The following PDSS1 variants were observed in gnomAD, a reference collection of about 807,000 sequenced individuals.
The protein encoded by PDSS1 is decaprenyl diphosphate synthase subunit 1, also known as all trans-polyprenyl-diphosphate synthase PDSS1.
Under a neutral mutation model 57.5 loss-of-function variants are expected in PDSS1, and 43 were observed. The ratio of observed to expected loss-of-function variants is 0.75; its 90% CI spans 0.59 to 0.96. PDSS1 has a LOEUF of 0.96. PDSS1 is among the 50% of genes least tolerant of loss of function. PDSS1 has a pLI of 0.00. For missense variants in PDSS1, 438 were observed against 527.8 expected, an observed-to-expected ratio of 0.83 and a Z score of 1.67; for synonymous variants, 175 against 191.3, an observed-to-expected ratio of 0.91 and a Z score of 0.70.
At chr10:26,703,242 C>T (rs898086937) in intron 2 of PDSS1, among the ~76,000 whole-genome samples, 1 of 152,196 alleles carries the variant, frequency 6.6e-6, no homozygotes, top group Non-Finnish European at 1.5e-5. Context: ...AAAGCGTCCC[C>T]TGTATTAATT....
At chr10:26,716,589 G>T (rs1432227330) in intron 5 of PDSS1, among the ~76,000 whole-genome samples, 2 of 152,022 alleles carry the variant, frequency 1.3e-5, no homozygotes, top group Non-Finnish European at 2.9e-5. Context: ...CTACCTGGGA[G>T]GCTCAGGCAG....
chr10:26,734,183 A>G (rs1268994783), intron 8 of PDSS1, among the ~76,000 whole-genome samples: 1 of 152,242 alleles, frequency 6.6e-6, no homozygotes, highest in East Asian at 1.9e-4. Context: ...ACAGTCTCAC[A>G]GCAGAGCCCG....
At chr10:26,705,459 T>G in intron 4 of PDSS1, 65 bp downstream of exon 4, 1 of 660,142 alleles carries the variant, frequency 1.5e-6, no homozygotes, top group Non-Finnish European at 2.5e-6. Flanking sequence ...AATTTTATTT[T>G]ATTTTTTATT....
chr10:26,705,547 C>T (rs1835184603), intron 4 of PDSS1, among the ~76,000 whole-genome samples, 153 bp downstream of exon 4: 1 of 152,162 alleles, frequency 6.6e-6, no homozygotes, highest in African/African-American at 2.4e-5. Flanking sequence ...AATCTAAGCT[C>T]ACTGCAACCC....
At chr10:26,740,731 G>A in intron 10 of PDSS1, 1 of 456,582 alleles carries the variant, frequency 2.2e-6, no homozygotes, top group South Asian at 1.5e-5. Flanking sequence ...TGGAGCCATA[G>A]ACTGTTAGAG....
intron 1 of PDSS1, among the ~76,000 whole-genome samples, chr10:26,698,330 C>CTGG (rs1834939877): frequency 6.6e-6 from 1 of 152,040 alleles, no homozygotes; most frequent in Non-Finnish European, 1.5e-5. Flanking sequence ...GTGGAGAATG[C>CTGG]AGGGCTGGTG....
At chr10:26,734,551 C>T (rs377222558) in intron 8 of PDSS1, 29 of 382,240 alleles carry the variant, frequency 7.6e-5, no homozygotes, top group East Asian at 5.8e-4. Context: ...ATTTCTCCCC[C>T]ATTGAAAGGA....
chr10:26,697,788 CCG>C lies in PDSS1; in HGVS notation c.78_79del (p.Gly27ProfsTer19). 1 of 1,310,258 alleles carries C rather than the reference CCG, an allele frequency of 7.6e-7. No individual in the cohort carries two copies. The highest frequency in any genetic ancestry group is 9.7e-7 in the Non-Finnish European group (1 of 1,033,176). 81.2% of individuals were successfully genotyped at this position (1,310,258 alleles called of 1,614,324 possible). A position where few individuals can be genotyped will look rare whatever the true frequency, so the allele number is the denominator to read the frequency against. ...GCGCGGAGCCCCGGGCCCGGCTCCC[CCG>C]GCCGTGCGGGACCGTTGGGGCCGAG... On this transcript the variant is annotated frameshift_variant, in exon 1 of 12. Coordinates refer to ENST00000376215, the MANE Select transcript of PDSS1 (RefSeq NM_014317.5). LOFTEE classifies it high-confidence loss of function.
chr10:26,713,970 G>A lies in PDSS1; in HGVS notation c.467+4202G>A, dbSNP rs186843926. Among the ~76,000 whole-genome samples the A allele has an allele frequency of 8.7e-3, 1,325 of 152,188 alleles. 11 individuals are homozygous for A. Among genetic ancestry groups the A allele is most frequent in the Middle Eastern group, 0.027 (8 of 294 alleles). ...ATTCTACCTGCACACCCTAGAGGGT[G>A]TTTCAGGCTGTTGATTCCAGCTCAG... On this transcript the variant is annotated intron_variant, in intron 5 of 11. Transcript: ENST00000376215.
At position 26,705,026 on chromosome 10, in the gene PDSS1, C is replaced by A. The variant is rs1748355; in HGVS notation, c.228-260C>A. On this transcript the variant is annotated intron_variant, in intron 3 of 11. Coordinates refer to ENST00000376215, the MANE Select transcript of PDSS1 (RefSeq NM_014317.5). ...GGAATATAATAAAGTTTGAGCTCAA[C>A]CCAGAGCACAATGAACATAGTTTAG... is the stretch of plus-strand genomic sequence containing the variant. Among the ~76,000 whole-genome samples the A allele has an allele frequency of 0.52, 79,148 of 151,706 alleles. 21,677 individuals are homozygous for A. The highest frequency in any genetic ancestry group is 0.63 in the Middle Eastern group (186 of 294).
chr10:26,709,774 C>T lies in PDSS1; in HGVS notation c.467+6C>T, dbSNP rs371003260. 4 of 1,613,418 alleles carry T rather than the reference C, an allele frequency of 2.5e-6. No individual in the cohort carries two copies. The highest frequency in any genetic ancestry group is 1.1e-5 in the South Asian group (1 of 91,070). On this transcript the variant is annotated splice_donor_region_variant and intron_variant, in intron 5 of 11. Coordinates refer to ENST00000376215, the MANE Select transcript of PDSS1 (RefSeq NM_014317.5). Reference sequence around the variant, plus strand: ...ATTCATCATAACAACTCCCGGTGAGCTCTTTTTTTCATTCCTTTCTTGTTT... The same window carrying T: ...ATTCATCATAACAACTCCCGGTGAGTTCTTTTTTTCATTCCTTTCTTGTTT...
intron 8 of PDSS1, among the ~76,000 whole-genome samples, chr10:26,731,591 T>G (rs1209797170): frequency 6.6e-6 from 1 of 152,198 alleles, no homozygotes; most frequent in African/African-American, 2.4e-5. Context: ...CCACCAGATT[T>G]CCCTCTGTTG....
Position 26,704,681 on chromosome 10 carries a change from C to A in PDSS1, c.167C>A (p.Pro56His), listed in dbSNP as rs1463172108. The change falls in exon 3 of 12, where the codon CCC becomes CAC. Residue 56 changes from proline to histidine, a missense_variant. This residue lies in a region of PDSS1 where 154 missense variants were observed against 137.0 expected (regional missense o/e 1.12). Coordinates refer to ENST00000376215, the MANE Select transcript of PDSS1 (RefSeq NM_014317.5). Reference protein sequence around the residue: ...RRKGLDLSQIPYINLVKHLTS... With the variant: ...RRKGLDLSQIHYINLVKHLTS... ...CTTGACATTTTTATTTTATAGATAC[C>A]CTATATTAATCTTGTGAAGCATTTA... 3 of 1,301,146 alleles carry A rather than the reference C, an allele frequency of 2.3e-6. No individual in the cohort carries two copies. The highest frequency in any genetic ancestry group is 2.3e-5 in the East Asian group (1 of 43,332). The allele number at this position is 1,301,146 out of a possible 1,614,324, so 80.6% of individuals were successfully genotyped here.
chr10:26,700,602 T>C (rs1328430219), intron 1 of PDSS1, among the ~76,000 whole-genome samples: 1 of 152,120 alleles, frequency 6.6e-6, no homozygotes, highest in African/African-American at 2.4e-5. Flanking sequence ...CAAGATCTGC[T>C]GGTTTTATAA....
intron 2 of PDSS1, among the ~76,000 whole-genome samples, chr10:26,704,083 C>CAAAAAAAAAAAAAGAAAAAAAA (rs1835132575): frequency 3.2e-5 from 1 of 31,050 alleles, no homozygotes; most frequent in Non-Finnish European, 6.1e-5. Context: ...CTCCGTCTCA[C>CAAAAAAAAAAAAAGAAAAAAAA]AAAAAAAAAA....
chr10:26,720,036 A>G (rs1564425170), intron 5 of PDSS1, 182 bp from the exon 6 acceptor site: 10 of 762,054 alleles, frequency 1.3e-5, no homozygotes, highest in Non-Finnish European at 1.9e-5. Context: ...TAGTTGTGGC[A>G]GGGTTTCTCA....
intron 8 of PDSS1, 143 bp from the exon 9 acceptor site, chr10:26,735,097 G>T (rs1305490727): frequency 2.7e-6 from 2 of 728,396 alleles, no homozygotes; most frequent in Non-Finnish European, 5.1e-6. Flanking sequence ...GTACATGCTT[G>T]GTGTCCCTCT....
intron 5 of PDSS1, among the ~76,000 whole-genome samples, chr10:26,718,412 C>G (rs1835670106): frequency 1.3e-5 from 2 of 152,050 alleles, no homozygotes; most frequent in African/African-American, 2.4e-5. Flanking sequence ...AATACTCCCC[C>G]CTTAGAAGAA....
intron 3 of PDSS1, among the ~76,000 whole-genome samples, chr10:26,705,025 A>T (rs563685486): frequency 6.6e-6 from 1 of 152,264 alleles, no homozygotes; most frequent in African/African-American, 2.4e-5. Context: ...TTTGAGCTCA[A>T]CCCAGAGCAC....
Sources: allele counts gnomAD v4.1 joint callset (sites outside exome capture counted in the v4.1 genomes callset), GRCh38; gene constraint gnomAD v4.1.1; regional missense constraint gnomAD v4.1.1; transcripts MANE v1.5; gene names NCBI Gene and HGNC (gene_info 2026-07-23, HGNC 2026-07-21).